The following PHC3 variants were observed in gnomAD, a reference collection of about 807,000 sequenced individuals.
PHC3 encodes the protein polyhomeotic homolog 3, also known as polyhomeotic-like protein 3.
PHC3 carries 13 observed loss-of-function variants against 107.4 expected under a neutral mutation model. That is an observed-to-expected ratio of 0.12 (90% CI 0.08 to 0.19). The LOEUF (loss-of-function observed/expected upper bound fraction) is 0.19, where lower values mean the gene tolerates loss of function less well. Among genes scored for constraint, PHC3 ranks in the 10% least tolerant of loss-of-function variants. The probability of loss-of-function intolerance (pLI) is 1.00; values close to 1 mark genes in which losing one functional copy is unlikely to be tolerated. For synonymous variants in PHC3, 456 were observed against 427.4 expected (o/e 1.07, Z -0.83); for missense variants, 992 against 1,210.9 (o/e 0.82, Z 2.68).
intron 8 of PHC3, among the ~76,000 whole-genome samples, chr3:170,124,471 T>C (rs1283052100): frequency 6.6e-6 from 1 of 152,084 alleles, no homozygotes; most frequent in Admixed American, 6.6e-5. Context: ...AGCCTTGACC[T>C]CCAAGCTCAG....
chr3:170,121,018 G>T (rs1720182267), intron 9 of PHC3, among the ~76,000 whole-genome samples: 1 of 152,190 alleles, frequency 6.6e-6, no homozygotes, highest in South Asian at 2.1e-4. Flanking sequence ...GTAAAAAGCA[G>T]CCACAATATC....
chr3:170,121,416 T>C (rs1466052449), intron 9 of PHC3, among the ~76,000 whole-genome samples: 1 of 152,226 alleles, frequency 6.6e-6, no homozygotes, highest in African/African-American at 2.4e-5. Flanking sequence ...GAAACATTTG[T>C]GTTTAGTAAA....
At chr3:170,147,869 AT>A (rs1351618812) in intron 5 of PHC3, 1 of 152,236 alleles carries the variant, frequency 6.6e-6, no homozygotes, top group Non-Finnish European at 1.5e-5. Context: ...GAAACTGCTA[AT>A]TTTAGAGTTC....
At chr3:170,148,409 A>C (rs1725362526) in intron 5 of PHC3, 1 of 152,212 alleles carries the variant, frequency 6.6e-6, no homozygotes, top group Admixed American at 6.5e-5. Flanking sequence ...CATCAAATAA[A>C]ATACATGTCA....
intron 6 of PHC3, among the ~76,000 whole-genome samples, chr3:170,138,302 A>G (rs1034543601): frequency 6.6e-6 from 1 of 152,344 alleles, no homozygotes; most frequent in South Asian, 2.1e-4. Context: ...AATTGAAACC[A>G]TATGGAGTGT....
Position 170,093,435 on chromosome 3 carries a change from C to T in PHC3, c.*3795G>A, listed in dbSNP as rs2108231003. ...ACAAACTATAACCAGGCTGTTCTGG[C>T]TGAAAATACATCTTTAAAACATTTT... On this transcript the variant is annotated 3_prime_UTR_variant, in exon 15 of 15. Transcript: ENST00000495893. 6.6e-6 allele frequency: 1 copy of T among 152,344 alleles called. No individual in the cohort carries two copies. Among genetic ancestry groups the T allele is most frequent in the East Asian group, 1.9e-4 (1 of 5,186 alleles). 9.4% of individuals were successfully genotyped at this position (152,344 alleles called of 1,614,324 possible).
intron 4 of PHC3, among the ~76,000 whole-genome samples, chr3:170,164,469 C>T (rs572899759): frequency 7.2e-5 from 11 of 152,140 alleles, no homozygotes; most frequent in South Asian, 2.1e-4. Flanking sequence ...AATGGATACA[C>T]GCAAATAACT....
rs757307937 is a variant in PHC3 at position 170,136,402 on chromosome 3, CAA to C, written c.919+15_919+16del. 7 of 1,611,718 alleles carry C rather than the reference CAA, an allele frequency of 4.3e-6. No individual in the cohort carries two copies. The highest frequency in any genetic ancestry group is 3.3e-5 in the South Asian group (3 of 90,362). On this transcript the variant is annotated intron_variant, in intron 7 of 14. Transcript: ENST00000495893. ...AAATGAATAATACAACTATTTTCAA[CAA>C]AAGTTTTATCCCACCTGGTGCTATT...
Position 170,157,634 on chromosome 3 carries a change from C to T in PHC3, c.415-8390G>A, listed in dbSNP as rs961561741. Among the ~76,000 whole-genome samples, 5 of 152,190 alleles carry T rather than the reference C, an allele frequency of 3.3e-5. No homozygotes were observed. The East Asian group carries it at 7.7e-4, about 23-fold the overall frequency. ...TGAATGAGATAATAGAGGATGAGGA[C>T]ACTAGCAGTAGAACACTGAGAATGA... is the stretch of plus-strand genomic sequence containing the variant. On this transcript the variant is annotated intron_variant, in intron 4 of 14. Coordinates refer to ENST00000495893, the MANE Select transcript of PHC3 (RefSeq NM_024947.4).
At chr3:170,163,891 C>T (rs1452515707) in intron 4 of PHC3, among the ~76,000 whole-genome samples, 1 of 139,812 alleles carries the variant, frequency 7.2e-6, no homozygotes, top group Non-Finnish European at 1.5e-5. Flanking sequence ...AAAAGGCAGG[C>T]AGGCATAGTA....
At chr3:170,100,913 A>C (rs953309998) in intron 14 of PHC3, among the ~76,000 whole-genome samples, 2 of 152,218 alleles carry the variant, frequency 1.3e-5, no homozygotes, top group African/African-American at 4.8e-5. Flanking sequence ...ATGAAAAATC[A>C]GGCTCACAAA....
intron 8 of PHC3, among the ~76,000 whole-genome samples, chr3:170,125,693 T>G (rs1577067642): frequency 6.6e-6 from 1 of 152,206 alleles, no homozygotes; most frequent in East Asian, 1.9e-4. Flanking sequence ...TTCCACTCAT[T>G]ATACTTAAAG....
chr3:170,126,504 G>GTGTATATATATATATA (rs1272456482), intron 8 of PHC3, among the ~76,000 whole-genome samples: 1 of 117,322 alleles, frequency 8.5e-6, no homozygotes, highest in African/African-American at 3.5e-5. Flanking sequence ...TGCTCCATAT[G>GTGTATATATATATATA]TATATATATA....
At chr3:170,179,995 T>G (rs1038429900) in intron 1 of PHC3, among the ~76,000 whole-genome samples, 4 of 152,160 alleles carry the variant, frequency 2.6e-5, no homozygotes, top group Non-Finnish European at 5.9e-5. Context: ...ACACTTTCTA[T>G]TCCATGAAAA....
chr3:170,127,613 C>G (rs1560061312), intron 8 of PHC3, among the ~76,000 whole-genome samples: 2 of 152,062 alleles, frequency 1.3e-5, no homozygotes, highest in African/African-American at 4.8e-5. Context: ...TGAGGATAAT[C>G]CAAGTATGAA....
chr3:170,154,229 T>C (rs1726523092), intron 4 of PHC3, among the ~76,000 whole-genome samples: 2 of 152,236 alleles, frequency 1.3e-5, no homozygotes, highest in African/African-American at 4.8e-5. Context: ...TTAATTAATG[T>C]CATGTTATTT....
intron 14 of PHC3, among the ~76,000 whole-genome samples, chr3:170,101,449 GCAA>G (rs1347715592): frequency 1.3e-5 from 2 of 152,070 alleles, no homozygotes; most frequent in Non-Finnish European, 2.9e-5. Flanking sequence ...AGACTAATTA[GCAA>G]CAACAGCTGA....
At chr3:170,152,241 G>A (rs1327404692) in intron 4 of PHC3, among the ~76,000 whole-genome samples, 1 of 151,712 alleles carries the variant, frequency 6.6e-6, no homozygotes, top group African/African-American at 2.4e-5. Flanking sequence ...TGCGACCTCA[G>A]CTCACTGCAA....
chr3:170,153,034 CTT>C (rs1251893665), intron 4 of PHC3, among the ~76,000 whole-genome samples: 4 of 152,174 alleles, frequency 2.6e-5, no homozygotes, highest in African/African-American at 9.7e-5. Context: ...CCTGATGACT[CTT>C]GATTCTTAAC....
Sources: gnomAD v4.1 joint callset for allele counts (sites outside exome capture counted in the v4.1 genomes callset) on GRCh38, gnomAD v4.1.1 for gene constraint, MANE v1.5 for transcripts, NCBI Gene and HGNC (gene_info 2026-07-23, HGNC 2026-07-21) for gene names.